Variants in NIPSNAP1 observed in about 807,000 individuals in gnomAD.
NIPSNAP1 encodes protein NipSnap homolog 1.
A neutral mutation model predicts 49.2 loss-of-function variants in NIPSNAP1; 25 were observed. That is an observed-to-expected ratio of 0.51 (90% CI 0.37 to 0.71). The LOEUF (loss-of-function observed/expected upper bound fraction) is 0.71. Among genes scored for constraint, NIPSNAP1 ranks in the 30% least tolerant of loss-of-function variants. NIPSNAP1 has a pLI of 0.00. For missense variants in NIPSNAP1, 294 were observed against 361.0 expected, an observed-to-expected ratio of 0.81 and a Z score of 1.50; for synonymous variants, 143 against 140.7, an observed-to-expected ratio of 1.02 and a Z score of -0.12.
At chr22:29,560,874 G>A in intron 7 of NIPSNAP1, 46 bp from the exon 8 acceptor site, 1 of 1,545,086 alleles carries the variant, frequency 6.5e-7, no homozygotes, top group Non-Finnish European at 8.9e-7. Context: ...GGCTGGTGCA[G>A]AGGGTACTGA....
intron 1 of NIPSNAP1, among the ~76,000 whole-genome samples, chr22:29,573,560 G>C (rs1395684623): frequency 1.3e-5 from 2 of 151,994 alleles, no homozygotes; most frequent in Non-Finnish European, 2.9e-5. Context: ...CCTGAGGTCG[G>C]GAGTTTGAGA....
At chr22:29,562,196 T>C in intron 4 of NIPSNAP1, among the ~76,000 whole-genome samples, 1 of 152,078 alleles carries the variant, frequency 6.6e-6, no homozygotes, top group East Asian at 1.9e-4. Flanking sequence ...TCCTGTACCC[T>C]GGAAGCAGTG....
chr22:29,570,096 C>A, intron 3 of NIPSNAP1, 66 bp downstream of exon 3: 1 of 1,401,100 alleles, frequency 7.1e-7, no homozygotes, highest in Non-Finnish European at 1.0e-6. Context: ...GGATGTTCCG[C>A]AAATTTGCTG....
At chr22:29,576,013 C>CTTT (rs35741168) in intron 1 of NIPSNAP1, among the ~76,000 whole-genome samples, 45 of 138,450 alleles carry the variant, frequency 3.3e-4, no homozygotes, top group Admixed American at 7.4e-4. Flanking sequence ...CACACTTGGC[C>CTTT]TTTTTTTTTT....
At chr22:29,577,576 C>T (rs9613965) in intron 1 of NIPSNAP1, among the ~76,000 whole-genome samples, 37,193 of 150,678 alleles carry the variant, frequency 0.25, 5,131 homozygotes, top group Non-Finnish European at 0.29. Flanking sequence ...TCTGCCACCA[C>T]GCCCAACTAA....
At chr22:29,560,619 G>A in intron 8 of NIPSNAP1, 115 bp downstream of exon 8, 2 of 832,262 alleles carry the variant, frequency 2.4e-6, no homozygotes, top group Non-Finnish European at 2.1e-6. Flanking sequence ...CTAAGATAGT[G>A]TCTCCTGCTA....
chr22:29,561,232 T>G, intron 6 of NIPSNAP1, 30 bp from the exon 7 acceptor site: 1 of 1,612,334 alleles, frequency 6.2e-7, no homozygotes. Flanking sequence ...ATGATGGGAA[T>G]GAGCCCCCAC....
At chr22:29,560,600 A>G in intron 8 of NIPSNAP1, 134 bp downstream of exon 8, 1 of 781,496 alleles carries the variant, frequency 1.3e-6, no homozygotes, top group South Asian at 1.4e-5. Context: ...TCTTTTTGTG[A>G]CTTTACATCT....
At chr22:29,580,725 G>A (rs1184861091) in intron 1 of NIPSNAP1, among the ~76,000 whole-genome samples, 2 of 151,902 alleles carry the variant, frequency 1.3e-5, no homozygotes, top group Admixed American at 6.6e-5. Context: ...CACTCTCCAG[G>A]GCCCAGTACC....
chr22:29,568,391 G>A (rs2146609818), intron 4 of NIPSNAP1, among the ~76,000 whole-genome samples: 1 of 151,228 alleles, frequency 6.6e-6, no homozygotes, highest in African/African-American at 2.4e-5. Context: ...GCTGAGGCAG[G>A]AGAATATCTT....
In NIPSNAP1 at chr22:29,569,282, GC is replaced by G. The variant is rs2064389486; in HGVS notation, c.277del (p.Ala93LeufsTer47). 4.3e-6 allele frequency: 7 copies of G among 1,613,552 alleles called. No individual in the cohort carries two copies. The Admixed American group carries it at 1.2e-4, about 27-fold the overall frequency. On this transcript the variant is annotated frameshift_variant, in exon 4 of 10. Coordinates refer to ENST00000216121, the MANE Select transcript of NIPSNAP1 (RefSeq NM_003634.4). LOFTEE classifies it high-confidence loss of function. ...ATCCAGGTGAAGCTTGGGCAGCACA[GC>G]CTCCCTGTGGGGGAGGTGCAGAGAG... ...YLDAYNSLTE[A>X]VLPKLHLDED...
chr22:29,569,233 C>T lies in NIPSNAP1; in HGVS notation c.327G>A (p.Val109=), dbSNP rs761432153. The T allele has an allele frequency of 1.9e-6, 3 of 1,614,020 alleles. No individual in the cohort carries two copies. Among genetic ancestry groups the T allele is most frequent in the Non-Finnish European group, 2.5e-6 (3 of 1,179,986 alleles). The change falls in exon 4 of 10, where the codon GTG becomes GTA. Residue 109 remains valine (V), a synonymous_variant. Coordinates refer to ENST00000216121, the MANE Select transcript of NIPSNAP1 (RefSeq NM_003634.4). ...CCCCATACCACGTGTTCCAGTTGCC[C>T]ACGAGTGAGCATGGGTAGTCCTCAT... The part of the protein sequence containing the change: ...HLDEDYPCSL[V]GNWNTWYGEQ...
intron 8 of NIPSNAP1, among the ~76,000 whole-genome samples, chr22:29,560,125 C>A (rs1053536190): frequency 1.2e-4 from 19 of 152,312 alleles, no homozygotes; most frequent in African/African-American, 4.3e-4. Flanking sequence ...CAATTCACAG[C>A]TGGCTCCTTC....
chr22:29,555,174 G>C lies in NIPSNAP1; in HGVS notation c.*761C>G, dbSNP rs1394324440. The C allele has an allele frequency of 6.6e-6, 1 of 152,644 alleles. No individual in the cohort carries two copies. The highest frequency in any genetic ancestry group is 1.5e-5 in the Non-Finnish European group (1 of 68,302). The allele number at this position is 152,644 out of a possible 1,614,324, so 9.5% of individuals were successfully genotyped here. ...AGCCAAGCCACTCTCCATCTGTCTA[G>C]TATTAGGAACCTCTCTTCAAGTGGT... On this transcript the variant is annotated 3_prime_UTR_variant, in exon 10 of 10. Transcript: ENST00000216121.
chr22:29,559,934 A>T (rs1177986510), intron 8 of NIPSNAP1, among the ~76,000 whole-genome samples: 1 of 152,204 alleles, frequency 6.6e-6, no homozygotes, highest in Non-Finnish European at 1.5e-5. Context: ...TGAAACAAAT[A>T]GTCTCTCATT....
chr22:29,562,351 T>C (rs947968033), intron 4 of NIPSNAP1, among the ~76,000 whole-genome samples: 2 of 152,156 alleles, frequency 1.3e-5, no homozygotes, highest in Admixed American at 1.3e-4. Context: ...GTATGCTACC[T>C]CATGTGTTGA....
At position 29,555,093 on chromosome 22, in the gene NIPSNAP1, A is replaced by AT. The variant is rs1243300670; in HGVS notation, c.*841dup. On this transcript the variant is annotated 3_prime_UTR_variant, in exon 10 of 10. Coordinates refer to ENST00000216121, the MANE Select transcript of NIPSNAP1 (RefSeq NM_003634.4). ...GGAGGGAGGGCAGGAGAGACTCTGCATAGAAGGACTGGAACTACACATTTA... is the reference window on the plus strand; with the variant it reads ...GGAGGGAGGGCAGGAGAGACTCTGCATTAGAAGGACTGGAACTACACATTTA... 5 of 152,668 alleles carry AT rather than the reference A, an allele frequency of 3.3e-5. No homozygotes were observed. Among genetic ancestry groups the AT allele is most frequent in the African/African-American group, 1.2e-4 (5 of 41,582 alleles). The allele number at this position is 152,668 out of a possible 1,614,324, so 9.5% of individuals were successfully genotyped here.
intron 1 of NIPSNAP1, among the ~76,000 whole-genome samples, chr22:29,577,034 C>G (rs953127621): frequency 6.0e-5 from 9 of 151,244 alleles, no homozygotes; most frequent in Non-Finnish European, 1.2e-4. Context: ...AGCACAAGCT[C>G]TGGACAAATC....
chr22:29,559,034 C>T (rs2064315741), intron 8 of NIPSNAP1, 81 bp from the exon 9 acceptor site: 1 of 986,120 alleles, frequency 1.0e-6, no homozygotes, highest in African/African-American at 1.6e-5. Context: ...TCCCACTGTC[C>T]CCTAAACCCT....
Sources: allele counts gnomAD v4.1 joint callset (sites outside exome capture counted in the v4.1 genomes callset), GRCh38; gene constraint gnomAD v4.1.1; transcripts MANE v1.5; gene names NCBI Gene and HGNC (gene_info 2026-07-23, HGNC 2026-07-21).